PLAU: variants seen among roughly 807,000 people sequenced by gnomAD.
The protein encoded by PLAU is plasminogen activator, urokinase.
In PLAU, 32 loss-of-function variants were observed where a neutral mutation model predicts 48.9. The observed-to-expected ratio is 0.65, with a 90% CI of 0.49 to 0.88. The LOEUF (loss-of-function observed/expected upper bound fraction) is 0.88, where lower values mean the gene tolerates loss of function less well. Ranked by LOEUF, PLAU falls within the 40% of genes least tolerant of loss-of-function variation. The pLI is 0.00. For missense variants in PLAU, 455 were observed against 545.2 expected (o/e 0.83, Z 1.65); for synonymous variants, 199 against 205.7 (o/e 0.97, Z 0.28).
At chr10:73,914,728 G>A (rs756785379) in intron 8 of PLAU, 48 bp from the exon 9 acceptor site, 25 of 1,580,934 alleles carry the variant, frequency 1.6e-5, no homozygotes, top group Middle Eastern at 1.9e-4. Context: ...GATGGGGACC[G>A]CCTAACCAGT....
upstream of PLAU, among the ~76,000 whole-genome samples, chr10:73,909,510 C>T (rs1173139657): frequency 1.3e-5 from 2 of 152,210 alleles, no homozygotes. Context: ...GGTCACCTGC[C>T]TCCCAAAAGC....
chr10:73,910,004 T>C (rs72816318), upstream of PLAU: 1 of 152,336 alleles, frequency 6.6e-6, no homozygotes, highest in Admixed American at 6.5e-5. Context: ...TGATAAACAA[T>C]TGTTTCTATC....
rs538342269 is a variant in PLAU, at chr10:73,911,227, C to G, written c.-32+9C>G. 134 of 390,466 alleles carry G rather than the reference C, an allele frequency of 3.4e-4. No homozygotes were observed. The Middle Eastern group carries it at 3.7e-3, about 11-fold the overall frequency. The allele number at this position is 390,466 out of a possible 1,614,324, so 24.2% of individuals were successfully genotyped here. On this transcript the variant is annotated intron_variant, in intron 1 of 10. Coordinates refer to ENST00000372764, the MANE Select transcript of PLAU (RefSeq NM_002658.6). ...TCCTGCCGCAGCCACCGGTGAGTGC[C>G]GCGGTCCTGAGATCCCCGGGCCGGA...
intron 10 of PLAU, 83 bp downstream of exon 10, chr10:73,915,482 T>G: frequency 7.4e-7 from 1 of 1,348,914 alleles, no homozygotes; most frequent in Admixed American, 2.4e-5. Context: ...TAAGGGTGTC[T>G]CTCTCTAGCC....
intron 1 of PLAU, 100 bp from the exon 2 acceptor site, chr10:73,911,425 G>T: frequency 4.1e-6 from 5 of 1,208,404 alleles, no homozygotes; most frequent in African/African-American, 1.5e-5. Flanking sequence ...GACAGCTGGG[G>T]AGCCTGGTCA....
upstream of PLAU, chr10:73,910,002 A>G (rs1447523677): frequency 6.6e-6 from 1 of 152,234 alleles, no homozygotes; most frequent in Non-Finnish European, 1.5e-5. Flanking sequence ...TTTGATAAAC[A>G]ATTGTTTCTA....
chr10:73,911,887 A>G (rs1192753119), intron 2 of PLAU, 154 bp from the exon 3 acceptor site: 1 of 1,563,478 alleles, frequency 6.4e-7, no homozygotes, highest in Admixed American at 1.9e-5. Flanking sequence ...CCTGGCTGGA[A>G]ACCCATGGTC....
chr10:73,908,993 T>C (rs1208799452), upstream of PLAU, among the ~76,000 whole-genome samples: 1 of 148,162 alleles, frequency 6.7e-6, no homozygotes, highest in Non-Finnish European at 1.5e-5. Flanking sequence ...AAAAAAGAAC[T>C]GTGCACAAAG....
chr10:73,911,683 G>C (rs1350157843), intron 2 of PLAU, 71 bp downstream of exon 2: 1 of 1,591,896 alleles, frequency 6.3e-7, no homozygotes, highest in South Asian at 1.1e-5. Context: ...AGGAGGGGCT[G>C]CTCAGGGAGC....
In PLAU at chr10:73,915,307, CG is replaced by C. The variant is rs1565611435; in HGVS notation, c.1030del (p.Glu344SerfsTer45). ...GACTGTTGTGAAGCTGATTTCCCAC[CG>C]GGAGTGTCAGCAGCCCCACTACTAC... ...KMTVVKLISHRECQQPHYYGS... is the reference protein window; with the variant it reads ...KMTVVKLISHXECQQPHYYGS... On this transcript the variant is annotated frameshift_variant, in exon 10 of 11. Transcript: ENST00000372764. LOFTEE classifies it high-confidence loss of function. The C allele has an allele frequency of 1.9e-6, 3 of 1,613,678 alleles. No homozygotes were observed. Among genetic ancestry groups the C allele is most frequent in the African/African-American group, 2.7e-5 (2 of 74,874 alleles).
rs2096128976 is a variant in PLAU, at chr10:73,913,350, C to T, written c.429C>T (p.Val143=). The T allele has an allele frequency of 1.9e-6, 3 of 1,614,112 alleles. No homozygotes were observed. The highest frequency in any genetic ancestry group is 1.6e-4 in the Middle Eastern group (1 of 6,062). The part of the protein sequence containing the change: ...CYVQVGLKLL[V]QECMVHDCAD... Reference sequence around the variant, plus strand: ...TGCAGGTGGGCCTAAAGCTGCTTGTCCAAGAGTGCATGGTGCATGACTGCG... The same window carrying T: ...TGCAGGTGGGCCTAAAGCTGCTTGTTCAAGAGTGCATGGTGCATGACTGCG... Residue 143 remains valine (V), a synonymous_variant, in exon 6 of 11, where the codon GTC becomes GTT. Transcript: ENST00000372764.
In PLAU at chr10:73,912,338, C is replaced by G. The variant is rs1472701617; in HGVS notation, c.193+16C>G. 7.0e-7 allele frequency: 1 copy of G among 1,435,868 alleles called. No individual in the cohort carries two copies. Among genetic ancestry groups the G allele is most frequent in the Non-Finnish European group, 9.5e-7 (1 of 1,052,040 alleles). 88.9% of individuals were successfully genotyped at this position (1,435,868 alleles called of 1,614,324 possible). On this transcript the variant is annotated intron_variant, in intron 4 of 10. Coordinates refer to ENST00000372764, the MANE Select transcript of PLAU (RefSeq NM_002658.6). ...TGTGAAATAGGTATGGGGATCTCCA[C>G]TGCAACTGGGAGAGAAATTTGGGGA... is the stretch of plus-strand genomic sequence containing the variant.
At chr10:73,909,944 T>C (rs1591611302), upstream of PLAU, 2 of 152,058 alleles carry the variant, frequency 1.3e-5, 1 homozygote, top group African/African-American at 4.8e-5. Flanking sequence ...GCAGGAAGGG[T>C]GGATGCAGTC....
chr10:73,915,203 T>C (rs775718740), intron 9 of PLAU, 48 bp from the exon 10 acceptor site: 2 of 1,575,576 alleles, frequency 1.3e-6, no homozygotes, highest in South Asian at 2.3e-5. Flanking sequence ...AGACTCCCAG[T>C]GGACAGATAA....
At chr10:73,911,466 C>T in intron 1 of PLAU, 59 bp from the exon 2 acceptor site, 1 of 1,519,992 alleles carries the variant, frequency 6.6e-7, no homozygotes, top group Non-Finnish European at 8.9e-7. Context: ...CTGCAGTCGC[C>T]CGCCTGGCCT....
At chr10:73,914,623 A>G (rs2096132382) in intron 8 of PLAU, among the ~76,000 whole-genome samples, 153 bp from the exon 9 acceptor site, 1 of 152,158 alleles carries the variant, frequency 6.6e-6, no homozygotes, top group Non-Finnish European at 1.5e-5. Context: ...GGCATGGGGC[A>G]GGGGAGGTTT....
Position 73,914,126 on chromosome 10 carries a change from T to C in PLAU, c.827T>C (p.Ile276Thr), listed in dbSNP as rs771903964. ...GACACGCTTGCTCACCACAACGACA[T>C]TGGTGAGGGGGAACCCCGCGACTAC... ...SADTLAHHND[I>T]ALLKIRSKEG... The change falls in exon 8 of 11, where the codon ATT becomes ACT. Residue 276 changes from isoleucine to threonine, a missense_variant and splice_region_variant. Coordinates refer to ENST00000372764, the MANE Select transcript of PLAU (RefSeq NM_002658.6). 15 of 1,613,772 alleles carry C rather than the reference T, an allele frequency of 9.3e-6. No homozygotes were observed. In the East Asian group the frequency reaches 2.2e-4, roughly 24 times the overall value.
chr10:73,915,618 G>T (rs2096135149), intron 10 of PLAU, among the ~76,000 whole-genome samples: 1 of 152,172 alleles, frequency 6.6e-6, no homozygotes, highest in South Asian at 2.1e-4. Flanking sequence ...GGGGGCACGA[G>T]ATCCTAGAAA....
chr10:73,910,996 A>G (rs1317546712), upstream of PLAU: 1 of 154,000 alleles, frequency 6.5e-6, no homozygotes, highest in Non-Finnish European at 1.4e-5. Flanking sequence ...GCTTCCCCCA[A>G]ATCTTTGTGA....
Sources: allele counts gnomAD v4.1 joint callset (sites outside exome capture counted in the v4.1 genomes callset), GRCh38; gene constraint gnomAD v4.1.1; transcripts MANE v1.5; gene names NCBI Gene and HGNC (gene_info 2026-07-23, HGNC 2026-07-21).